The following MCTP1 variants were observed in gnomAD, a reference collection of about 807,000 sequenced individuals.
MCTP1 encodes multiple C2 and transmembrane domain-containing protein 1.
Under a neutral mutation model 120.6 loss-of-function variants are expected in MCTP1, and 69 were observed. The ratio of observed to expected loss-of-function variants is 0.57; its 90% CI spans 0.47 to 0.70. The LOEUF (loss-of-function observed/expected upper bound fraction) is 0.70, where lower values mean the gene tolerates loss of function less well. Ranked by LOEUF, MCTP1 falls within the 30% of genes least tolerant of loss-of-function variation. MCTP1 has a pLI of 0.00. For synonymous variants in MCTP1, 529 were observed against 493.1 expected (o/e 1.07, Z -0.96); for missense variants, 1,203 against 1,248.8 (o/e 0.96, Z 0.55).
At chr5:94,750,732 C>A (rs1768086049) in intron 19 of MCTP1, among the ~76,000 whole-genome samples, 1 of 152,120 alleles carries the variant, frequency 6.6e-6, no homozygotes, top group Non-Finnish European at 1.5e-5. Flanking sequence ...GGTCTTAAGC[C>A]CCCAAGACTT....
At chr5:94,949,278 G>T (rs1043257754) in intron 3 of MCTP1, among the ~76,000 whole-genome samples, 3 of 152,082 alleles carry the variant, frequency 2.0e-5, no homozygotes, top group African/African-American at 7.2e-5. Flanking sequence ...ACTGAAATGG[G>T]TGTCAAATTT....
intron 17 of MCTP1, among the ~76,000 whole-genome samples, chr5:94,860,422 C>G (rs1163733244): frequency 1.3e-5 from 2 of 151,630 alleles, no homozygotes; most frequent in Non-Finnish European, 2.9e-5. Context: ...GGAATTGGGA[C>G]AGAGAAGAAA....
intron 12 of MCTP1, among the ~76,000 whole-genome samples, chr5:94,876,090 A>C (rs1179969236): frequency 6.6e-6 from 1 of 152,130 alleles, no homozygotes; most frequent in African/African-American, 2.4e-5. Flanking sequence ...AAAAGCATGG[A>C]CTATAGTTGT....
intron 3 of MCTP1, among the ~76,000 whole-genome samples, chr5:94,948,156 T>C (rs1312224364): frequency 1.3e-5 from 2 of 152,140 alleles, no homozygotes; most frequent in African/African-American, 4.8e-5. Flanking sequence ...CAATTAGCCA[T>C]CTTTAGTGGA....
At chr5:95,124,420 T>C (rs1430695636) in intron 1 of MCTP1, among the ~76,000 whole-genome samples, 3 of 152,254 alleles carry the variant, frequency 2.0e-5, no homozygotes, top group South Asian at 4.1e-4. Context: ...AAAAAGTATA[T>C]GGATTAAACA....
At chr5:94,862,688 T>C (rs1246343326) in intron 17 of MCTP1, among the ~76,000 whole-genome samples, 1 of 151,792 alleles carries the variant, frequency 6.6e-6, no homozygotes, top group African/African-American at 2.4e-5. Context: ...TTTTATATAA[T>C]TGCAGGAATT....
At chr5:95,002,683 T>A (rs1441496160) in intron 2 of MCTP1, among the ~76,000 whole-genome samples, 1 of 152,214 alleles carries the variant, frequency 6.6e-6, no homozygotes, top group Non-Finnish European at 1.5e-5. Context: ...TATCTAAGAA[T>A]TAACTAACTT....
In MCTP1 at chr5:95,133,626, GC is replaced by G. The variant is rs1286114173; in HGVS notation, c.721-116143del. Among the ~76,000 whole-genome samples the G allele has an allele frequency of 9.8e-5, 15 of 152,362 alleles. No individual in the cohort carries two copies. The South Asian group carries it at 3.1e-3, about 32-fold the overall frequency. ...GCCGAGATCGTGCCATTGCACTCCA[GC>G]CTGGGTAACAGAGCAAGATTCCATC... On this transcript the variant is annotated intron_variant, in intron 1 of 22. Transcript: ENST00000515393.
chr5:95,278,625 C>A (rs961763439), intron 1 of MCTP1, among the ~76,000 whole-genome samples: 1 of 152,110 alleles, frequency 6.6e-6, no homozygotes, highest in Non-Finnish European at 1.5e-5. Flanking sequence ...AGTAAGTTTT[C>A]CGGTAGCAAA....
chr5:95,098,470 A>G (rs1562141703), intron 1 of MCTP1, among the ~76,000 whole-genome samples: 1 of 152,174 alleles, frequency 6.6e-6, no homozygotes, highest in Non-Finnish European at 1.5e-5. Context: ...ATTCTTATAC[A>G]CCAATAACAG....
At chr5:94,724,706 A>G (rs1761736042) in intron 19 of MCTP1, among the ~76,000 whole-genome samples, 1 of 152,130 alleles carries the variant, frequency 6.6e-6, no homozygotes, top group Admixed American at 6.5e-5. Flanking sequence ...AGATCTCTCA[A>G]AGTTACCCAG....
chr5:95,248,384 CAGAG>C (rs1025619214), intron 1 of MCTP1, among the ~76,000 whole-genome samples: 1 of 152,036 alleles, frequency 6.6e-6, no homozygotes, highest in African/African-American at 2.4e-5. Flanking sequence ...CAATAATAGA[CAGAG>C]AGCCAAATCA....
intron 19 of MCTP1, among the ~76,000 whole-genome samples, chr5:94,736,631 A>C (rs1764321648): frequency 6.6e-6 from 1 of 152,178 alleles, no homozygotes; most frequent in Non-Finnish European, 1.5e-5. Flanking sequence ...GATTAATACC[A>C]AAATGCCAGC....
intron 1 of MCTP1, among the ~76,000 whole-genome samples, chr5:95,095,757 T>C (rs760946701): frequency 2.6e-5 from 4 of 152,184 alleles, no homozygotes; most frequent in Non-Finnish European, 4.4e-5. Context: ...TATGTTGAAT[T>C]TGGGCAAAGT....
At chr5:94,738,342 C>T (rs971501036) in intron 19 of MCTP1, among the ~76,000 whole-genome samples, 3 of 152,160 alleles carry the variant, frequency 2.0e-5, no homozygotes, top group South Asian at 4.1e-4. Flanking sequence ...TATCATTCCT[C>T]TGCTTGAGAA....
intron 17 of MCTP1, among the ~76,000 whole-genome samples, chr5:94,830,501 T>C (rs1390681322): frequency 6.6e-6 from 1 of 152,356 alleles, no homozygotes; most frequent in African/African-American, 2.4e-5. Flanking sequence ...AAAGTTCACA[T>C]TGGGACCATT....
At chr5:94,850,616 G>T (rs1442208327) in intron 17 of MCTP1, among the ~76,000 whole-genome samples, 1 of 152,132 alleles carries the variant, frequency 6.6e-6, no homozygotes, top group Non-Finnish European at 1.5e-5. Flanking sequence ...TGGATTGACA[G>T]CTTTTGTTTT....
rs530034007 is a variant in MCTP1, at chr5:95,135,177, A to T, written c.721-117693T>A. ...AAAAGAAATTATGTTTGCAAAACAA[A>T]TATGGAGACAGATTCTATAACTCTG... On this transcript the variant is annotated intron_variant, in intron 1 of 22. Transcript: ENST00000515393. Among the ~76,000 whole-genome samples, 24 of 152,254 alleles carry T rather than the reference A, an allele frequency of 1.6e-4. 1 individual carries two copies. In the East Asian group the frequency reaches 4.6e-3, roughly 29 times the overall value.
chr5:94,803,006 C>T (rs1781527221), intron 17 of MCTP1, among the ~76,000 whole-genome samples: 2 of 152,290 alleles, frequency 1.3e-5, no homozygotes, highest in Admixed American at 1.3e-4. Flanking sequence ...CTCTCTGTCA[C>T]ATAATCTCTT....
Sources: gnomAD v4.1 joint callset for allele counts (sites outside exome capture counted in the v4.1 genomes callset) on GRCh38, gnomAD v4.1.1 for gene constraint, MANE v1.5 for transcripts, NCBI Gene and HGNC (gene_info 2026-07-23, HGNC 2026-07-21) for gene names.